PLCL2: variants seen among roughly 807,000 people sequenced by gnomAD.
PLCL2 encodes the protein phospholipase C like 2, also known as inactive phospholipase C-like protein 2.
In PLCL2, 4 loss-of-function variants were observed where a neutral mutation model predicts 79.6. The observed-to-expected ratio is 0.05, with a 90% confidence interval of 0.02 to 0.11. The LOEUF is 0.11. PLCL2 is among the 10% of genes least tolerant of loss of function. The pLI is 1.00. For missense variants in PLCL2, 895 were observed against 1,291.0 expected, an observed-to-expected ratio of 0.69 and a Z score of 4.70; for synonymous variants, 484 against 457.7, an observed-to-expected ratio of 1.06 and a Z score of -0.73.
At chr3:17,037,083 G>A (rs894113115) in intron 3 of PLCL2, among the ~76,000 whole-genome samples, 3 of 152,130 alleles carry the variant, frequency 2.0e-5, no homozygotes, top group Non-Finnish European at 4.4e-5. Flanking sequence ...CTGACTAGAT[G>A]GGAAAAAATT....
chr3:17,079,899 C>T (rs2065144923), intron 5 of PLCL2, among the ~76,000 whole-genome samples: 2 of 152,144 alleles, frequency 1.3e-5, no homozygotes, highest in Non-Finnish European at 2.9e-5. Context: ...GCCCACTATC[C>T]CTTCATCATC....
intron 1 of PLCL2, among the ~76,000 whole-genome samples, chr3:16,960,633 C>A (rs1453469230): frequency 6.6e-6 from 1 of 152,200 alleles, no homozygotes; most frequent in African/African-American, 2.4e-5. Context: ...GTCCTACCCA[C>A]CTTTCAAGGA....
At chr3:16,956,886 CA>C (rs1337271854) in intron 1 of PLCL2, among the ~76,000 whole-genome samples, 2 of 152,190 alleles carry the variant, frequency 1.3e-5, no homozygotes, top group Non-Finnish European at 2.9e-5. Flanking sequence ...TCCCCTTTAT[CA>C]TTTTTTATTG....
intron 1 of PLCL2, among the ~76,000 whole-genome samples, chr3:16,977,558 A>G (rs899592010): frequency 1.3e-5 from 2 of 152,126 alleles, no homozygotes; most frequent in Non-Finnish European, 2.9e-5. Context: ...CCTTTCAGAA[A>G]CCTCTTTTAC....
chr3:17,079,485 G>A (rs1038777503), intron 5 of PLCL2, among the ~76,000 whole-genome samples: 2 of 152,210 alleles, frequency 1.3e-5, no homozygotes. Context: ...AACCTAGAAA[G>A]CTTTGTAGCA....
intron 1 of PLCL2, among the ~76,000 whole-genome samples, chr3:16,986,568 A>T (rs2124992185): frequency 6.6e-6 from 1 of 151,980 alleles, no homozygotes; most frequent in South Asian, 2.1e-4. Context: ...CACCCAGCTA[A>T]TTTTTTGTAT....
At chr3:17,086,949 G>A (rs2065226031) in intron 5 of PLCL2, among the ~76,000 whole-genome samples, 1 of 152,162 alleles carries the variant, frequency 6.6e-6, no homozygotes, top group Non-Finnish European at 1.5e-5. Context: ...ACAACAATGA[G>A]ATACCAATAC....
At chr3:16,902,301 T>C (rs115195465) in intron 1 of PLCL2, among the ~76,000 whole-genome samples, 4,851 of 152,312 alleles carry the variant, frequency 0.032, 121 homozygotes, top group South Asian at 0.057. Context: ...AGCAAGGTCT[T>C]CTTTCATAAG....
At chr3:16,967,014 A>T (rs2063814595) in intron 1 of PLCL2, among the ~76,000 whole-genome samples, 1 of 152,092 alleles carries the variant, frequency 6.6e-6, no homozygotes, top group South Asian at 2.1e-4. Flanking sequence ...ACAAGTGAGA[A>T]CATGCAGTAT....
chr3:16,919,171 C>G (rs1697065356), intron 1 of PLCL2, among the ~76,000 whole-genome samples: 1 of 152,080 alleles, frequency 6.6e-6, no homozygotes, highest in Admixed American at 6.6e-5. Context: ...GGAAATAGTA[C>G]AGTTGAATTT....
chr3:16,938,005 T>G (rs1697585294), intron 1 of PLCL2, among the ~76,000 whole-genome samples: 1 of 152,218 alleles, frequency 6.6e-6, no homozygotes, highest in African/African-American at 2.4e-5. Context: ...TGTTCCATAT[T>G]AAAATATACA....
chr3:16,949,044 A>G (rs1268602408), intron 1 of PLCL2, among the ~76,000 whole-genome samples: 1 of 152,230 alleles, frequency 6.6e-6, no homozygotes, highest in East Asian at 1.9e-4. Context: ...TGTATGACAA[A>G]TAATATGTAT....
In PLCL2 at chr3:17,090,154, C is replaced by T; in HGVS notation, c.*242C>T. On this transcript the variant is annotated 3_prime_UTR_variant, in exon 6 of 6. Transcript: ENST00000615277. The stretch of plus-strand genomic sequence containing the variant: ...AATATGCTATATTTGTATACAAAGA[C>T]ATTCTAACTCAGTTCCAGTATGAAG... 8.4e-7 allele frequency: 1 copy of T among 1,184,736 alleles called. No individual in the cohort carries two copies. The allele number at this position is 1,184,736 out of a possible 1,614,324, so 73.4% of individuals were successfully genotyped here. A position where few individuals can be genotyped will look rare whatever the true frequency, so the allele number is the denominator to read the frequency against.
intron 5 of PLCL2, among the ~76,000 whole-genome samples, chr3:17,083,968 C>T (rs1351058768): frequency 6.6e-6 from 1 of 152,110 alleles, no homozygotes; most frequent in Non-Finnish European, 1.5e-5. Flanking sequence ...ACATTAAAAA[C>T]AGAAAATACA....
intron 1 of PLCL2, among the ~76,000 whole-genome samples, chr3:17,008,318 A>T (rs2064283595): frequency 6.7e-6 from 1 of 150,314 alleles, no homozygotes; most frequent in African/African-American, 2.5e-5. Flanking sequence ...CTGATCTAGT[A>T]TGAGACTTTG....
intron 1 of PLCL2, among the ~76,000 whole-genome samples, chr3:16,930,899 T>C (rs752771245): frequency 6.6e-6 from 1 of 152,214 alleles, no homozygotes; most frequent in African/African-American, 2.4e-5. Context: ...CCCGTTTTGC[T>C]AACTCCCGTG....
intron 5 of PLCL2, among the ~76,000 whole-genome samples, chr3:17,069,873 C>G (rs1321397601): frequency 6.6e-6 from 1 of 152,124 alleles, no homozygotes. Flanking sequence ...TATACTTTAA[C>G]CCTGATTGTT....
intron 1 of PLCL2, among the ~76,000 whole-genome samples, chr3:16,997,626 C>T (rs1030650181): frequency 3.3e-5 from 5 of 151,682 alleles, no homozygotes; most frequent in African/African-American, 4.8e-5. Context: ...GCAACCTCCA[C>T]CTCCGGGGTT....
chr3:17,047,146 A>G (rs1379475325), intron 4 of PLCL2, among the ~76,000 whole-genome samples: 1 of 152,210 alleles, frequency 6.6e-6, no homozygotes, highest in Non-Finnish European at 1.5e-5. Flanking sequence ...ACGTACATGC[A>G]TAATTCTAGC....
Sources: gnomAD v4.1 joint callset for allele counts (sites outside exome capture counted in the v4.1 genomes callset) on GRCh38, gnomAD v4.1.1 for gene constraint, MANE v1.5 for transcripts, NCBI Gene and HGNC (gene_info 2026-07-23, HGNC 2026-07-21) for gene names.